Variants in CNTN5 observed in about 807,000 individuals in gnomAD.
CNTN5 encodes contactin 5.
In CNTN5, 77 loss-of-function variants were observed where a neutral mutation model predicts 129.1. The observed-to-expected ratio is 0.60, with a 90% confidence interval of 0.50 to 0.72. The LOEUF (loss-of-function observed/expected upper bound fraction) is 0.72. CNTN5 is among the 30% of genes least tolerant of loss of function. The probability of loss-of-function intolerance (pLI) is 0.00; values close to 1 mark genes in which losing one functional copy is unlikely to be tolerated. For missense variants in CNTN5, 1,478 were observed against 1,328.8 expected (o/e 1.11, Z -1.75); for synonymous variants, 509 against 465.6 (o/e 1.09, Z -1.20).
chr11:99,422,999 G>A (rs1005411865), intron 2 of CNTN5, among the ~76,000 whole-genome samples: 2 of 152,146 alleles, frequency 1.3e-5, no homozygotes, highest in African/African-American at 4.8e-5. Context: ...TATTGAATAA[G>A]CATGTAAATA....
At chr11:100,038,143 G>A (rs1942142261) in intron 9 of CNTN5, among the ~76,000 whole-genome samples, 1 of 152,006 alleles carries the variant, frequency 6.6e-6, no homozygotes, top group Non-Finnish European at 1.5e-5. Flanking sequence ...CTTTGAATGT[G>A]TCCCAGAGAT....
intron 2 of CNTN5, among the ~76,000 whole-genome samples, chr11:99,422,545 T>C (rs1206500982): frequency 6.9e-6 from 1 of 144,064 alleles, no homozygotes. Context: ...TATATATATA[T>C]ATATATATAT....
At chr11:99,630,509 T>C (rs1334966680) in intron 3 of CNTN5, among the ~76,000 whole-genome samples, 1 of 151,688 alleles carries the variant, frequency 6.6e-6, no homozygotes, top group Admixed American at 6.6e-5. Flanking sequence ...CGCACCCCCA[T>C]AGCAACTATC....
intron 6 of CNTN5, among the ~76,000 whole-genome samples, chr11:99,891,547 C>G (rs1591373405): frequency 6.6e-6 from 1 of 151,974 alleles, no homozygotes; most frequent in Non-Finnish European, 1.5e-5. Flanking sequence ...GTTCTCATTG[C>G]TCAACTCCCA....
chr11:99,536,817 G>A (rs1731727171), intron 2 of CNTN5, among the ~76,000 whole-genome samples: 1 of 142,894 alleles, frequency 7.0e-6, no homozygotes, highest in Non-Finnish European at 1.5e-5. Context: ...ACAAAAAGAA[G>A]CCAGATATGT....
At chr11:99,410,118 A>G (rs1942323215) in intron 2 of CNTN5, among the ~76,000 whole-genome samples, 1 of 152,234 alleles carries the variant, frequency 6.6e-6, no homozygotes, top group Non-Finnish European at 1.5e-5. Flanking sequence ...TATCAAAAAA[A>G]GAATGATTAA....
At chr11:99,085,958 A>G (rs1865989441) in intron 1 of CNTN5, among the ~76,000 whole-genome samples, 1 of 152,206 alleles carries the variant, frequency 6.6e-6, no homozygotes, top group Non-Finnish European at 1.5e-5. Flanking sequence ...TATTCAGAAC[A>G]GTAACACACT....
chr11:100,105,303 AT>A (rs1945384768), intron 13 of CNTN5, among the ~76,000 whole-genome samples: 1 of 151,578 alleles, frequency 6.6e-6, no homozygotes. Context: ...GAATACCTAA[AT>A]TTTAGCAGGT....
chr11:100,111,066 A>G lies in CNTN5; in HGVS notation c.1580+36772A>G, dbSNP rs558596225. Among the ~76,000 whole-genome samples the G allele has an allele frequency of 3.9e-4, 59 of 152,266 alleles. 2 individuals carry two copies. In the South Asian group the frequency reaches 6.4e-3, roughly 17 times the overall value. Reference sequence around the variant, plus strand: ...ATCCCAAATTTTTCTGTACCAGAACATGTTTATATAGGTTTACCAAGGGAA... The same window carrying G: ...ATCCCAAATTTTTCTGTACCAGAACGTGTTTATATAGGTTTACCAAGGGAA... On this transcript the variant is annotated intron_variant, in intron 13 of 24. Coordinates refer to ENST00000524871, the MANE Select transcript of CNTN5 (RefSeq NM_014361.4).
At chr11:99,791,772 CTGAT>C (rs1945751694) in intron 3 of CNTN5, among the ~76,000 whole-genome samples, 1 of 151,828 alleles carries the variant, frequency 6.6e-6, no homozygotes, top group Admixed American at 6.6e-5. Flanking sequence ...TTTGTCTTTT[CTGAT>C]TTCTTAGAGC....
intron 2 of CNTN5, among the ~76,000 whole-genome samples, chr11:99,389,871 C>T (rs911867205): frequency 6.6e-6 from 1 of 152,112 alleles, no homozygotes; most frequent in African/African-American, 2.4e-5. Context: ...ATCACATTAA[C>T]CAGAATTGGC....
At chr11:99,751,091 C>G (rs899538137) in intron 3 of CNTN5, among the ~76,000 whole-genome samples, 2 of 152,202 alleles carry the variant, frequency 1.3e-5, no homozygotes, top group Non-Finnish European at 2.9e-5. Flanking sequence ...GATCCCAGCA[C>G]TTTGGGAGGC....
At chr11:99,328,933 T>C (rs1211330001) in intron 2 of CNTN5, among the ~76,000 whole-genome samples, 1 of 146,588 alleles carries the variant, frequency 6.8e-6, no homozygotes, top group Non-Finnish European at 1.5e-5. Flanking sequence ...AAGGTGAAAC[T>C]AAATAGAATG....
intron 1 of CNTN5, among the ~76,000 whole-genome samples, chr11:99,246,663 C>A (rs1861829422): frequency 6.6e-6 from 1 of 152,080 alleles, no homozygotes; most frequent in South Asian, 2.1e-4. Context: ...TTCAAAATAT[C>A]TTTATGAAAT....
intron 23 of CNTN5, among the ~76,000 whole-genome samples, chr11:100,342,916 A>C (rs1220448045): frequency 1.3e-5 from 2 of 152,160 alleles, no homozygotes; most frequent in Non-Finnish European, 2.9e-5. Flanking sequence ...AAGTTGTTTA[A>C]ACTTTATCAG....
chr11:99,035,687 T>C (rs1302757041), intron 1 of CNTN5, among the ~76,000 whole-genome samples: 5 of 151,886 alleles, frequency 3.3e-5, no homozygotes, highest in Non-Finnish European at 7.3e-5. Flanking sequence ...ATGGGTTTAC[T>C]GAATACAGCA....
At chr11:99,242,836 T>C (rs76305773) in intron 1 of CNTN5, among the ~76,000 whole-genome samples, 14,546 of 152,172 alleles carry the variant, frequency 0.096, 735 homozygotes, top group South Asian at 0.15. Context: ...CATGGCTTTA[T>C]AGTATTCCAT....
intron 1 of CNTN5, among the ~76,000 whole-genome samples, chr11:99,046,439 T>A (rs1262074866): frequency 6.6e-6 from 1 of 152,146 alleles, no homozygotes; most frequent in Non-Finnish European, 1.5e-5. Context: ...AAAAATAGTG[T>A]ACATTATAAA....
At chr11:99,289,673 A>C (rs1358218318) in intron 1 of CNTN5, among the ~76,000 whole-genome samples, 1 of 151,856 alleles carries the variant, frequency 6.6e-6, no homozygotes, top group Admixed American at 6.6e-5. Context: ...TTAATCTTTC[A>C]GACCCATTTT....
Sources: gnomAD v4.1 joint callset for allele counts (sites outside exome capture counted in the v4.1 genomes callset) on GRCh38, gnomAD v4.1.1 for gene constraint, MANE v1.5 for transcripts, NCBI Gene and HGNC (gene_info 2026-07-23, HGNC 2026-07-21) for gene names.